Variants in FAM193A observed in about 807,000 individuals in gnomAD.
FAM193A encodes protein FAM193A.
FAM193A carries 22 observed loss-of-function variants against 126.5 expected under a neutral mutation model. The observed-to-expected ratio is 0.17, with a 90% CI of 0.12 to 0.25. FAM193A has a LOEUF of 0.25. FAM193A is among the 10% of genes least tolerant of loss of function. The probability of loss-of-function intolerance (pLI) is 1.00; values close to 1 mark genes in which losing one functional copy is unlikely to be tolerated. For synonymous variants in FAM193A, 761 were observed against 646.8 expected, an observed-to-expected ratio of 1.18 and a Z score of -2.68; for missense variants, 1,675 against 1,672.8, an observed-to-expected ratio of 1.00 and a Z score of -0.02.
At chr4:2,584,280 A>C (rs530519449) in intron 1 of FAM193A, among the ~76,000 whole-genome samples, 1 of 152,156 alleles carries the variant, frequency 6.6e-6, no homozygotes, top group Non-Finnish European at 1.5e-5. Context: ...TAAAAAAATT[A>C]GCGGTGCTTG....
intron 2 of FAM193A, among the ~76,000 whole-genome samples, chr4:2,602,959 C>CTTT (rs71178487): frequency 0.015 from 638 of 42,308 alleles, 205 homozygotes; most frequent in African/African-American, 0.071. Flanking sequence ...TGCACCCGGC[C>CTTT]TTTTTTTTTT....
At chr4:2,559,431 A>T (rs1444582983) in intron 1 of FAM193A, among the ~76,000 whole-genome samples, 3 of 152,132 alleles carry the variant, frequency 2.0e-5, no homozygotes, top group African/African-American at 7.2e-5. Context: ...TATTCTTTTT[A>T]AATTTTTATT....
chr4:2,599,185 C>A (rs1438912064), intron 2 of FAM193A, among the ~76,000 whole-genome samples: 1 of 152,212 alleles, frequency 6.6e-6, no homozygotes, highest in South Asian at 2.1e-4. Context: ...TTGACACTCT[C>A]AACCTTTCAG....
At chr4:2,659,076 C>T (rs1390369612) in intron 8 of FAM193A, among the ~76,000 whole-genome samples, 1 of 152,172 alleles carries the variant, frequency 6.6e-6, no homozygotes, top group Non-Finnish European at 1.5e-5. Context: ...GTGGCCCTTC[C>T]AGCTGCCACC....
At chr4:2,608,288 T>C in intron 2 of FAM193A, 1 of 616,314 alleles carries the variant, frequency 1.6e-6, no homozygotes. Context: ...AAGCAACCCT[T>C]CTGCCTCAGT....
rs1045751783 is a variant in FAM193A, at chr4:2,731,968, A to C, written c.*100A>C. The C allele has an allele frequency of 2.1e-6, 2 of 933,470 alleles. No individual in the cohort carries two copies. Among genetic ancestry groups the C allele is most frequent in the African/African-American group, 3.2e-5 (2 of 62,104 alleles). The allele number at this position is 933,470 out of a possible 1,614,324, so 57.8% of individuals were successfully genotyped here. ...GCGCCCCAGAGCCGTGGTGCTTGCC[A>C]AGGGCTGTGCGGAGCTGGTGCTGCC... is the stretch of plus-strand genomic sequence containing the variant. On this transcript the variant is annotated 3_prime_UTR_variant, in exon 21 of 21. Coordinates refer to ENST00000637812, the MANE Select transcript of FAM193A (RefSeq NM_001366318.2).
intron 2 of FAM193A, among the ~76,000 whole-genome samples, chr4:2,618,560 G>A (rs890117178): frequency 6.1e-5 from 9 of 147,024 alleles, no homozygotes; most frequent in Non-Finnish European, 1.0e-4. Flanking sequence ...CCTGAGTAGC[G>A]GGGATTATAG....
chr4:2,548,082 T>G (rs1051500052), intron 1 of FAM193A, among the ~76,000 whole-genome samples: 11 of 151,472 alleles, frequency 7.3e-5, no homozygotes, highest in Non-Finnish European at 1.3e-4. Flanking sequence ...TTTTTTTTTT[T>G]TTTTTTTGAG....
chr4:2,562,636 GTT>G (rs764512793), intron 1 of FAM193A, among the ~76,000 whole-genome samples: 2 of 142,338 alleles, frequency 1.4e-5, no homozygotes, highest in Non-Finnish European at 1.5e-5. Flanking sequence ...TCCTTTTTTT[GTT>G]TTTTTTTTTT....
intron 13 of FAM193A, among the ~76,000 whole-genome samples, chr4:2,678,770 T>C (rs1462552025): frequency 1.3e-5 from 2 of 152,234 alleles, no homozygotes; most frequent in Non-Finnish European, 2.9e-5. Context: ...TGAGTGTTGA[T>C]TTTGTATCTT....
chr4:2,598,984 C>T (rs562720401), intron 2 of FAM193A, among the ~76,000 whole-genome samples: 67 of 152,320 alleles, frequency 4.4e-4, no homozygotes, highest in African/African-American at 1.5e-3. Context: ...CTTGTATCTG[C>T]AGGGGTCTGA....
chr4:2,596,971 G>T (rs1740900337), intron 2 of FAM193A, among the ~76,000 whole-genome samples: 1 of 152,094 alleles, frequency 6.6e-6, no homozygotes. Flanking sequence ...TCTTCCTTCT[G>T]ATACCTTGCT....
At chr4:2,576,702 A>G (rs917050212) in intron 1 of FAM193A, among the ~76,000 whole-genome samples, 4 of 152,200 alleles carry the variant, frequency 2.6e-5, no homozygotes, top group African/African-American at 9.6e-5. Flanking sequence ...CAAAATCTAT[A>G]TATCTAAACA....
intron 15 of FAM193A, 25 bp downstream of exon 15, chr4:2,690,995 C>A: frequency 1.3e-6 from 2 of 1,591,626 alleles, no homozygotes; most frequent in Non-Finnish European, 1.7e-6. Flanking sequence ...CTCACTGGCC[C>A]TCGGGGTCTG....
chr4:2,641,490 C>T (rs1418527013), intron 6 of FAM193A, among the ~76,000 whole-genome samples: 2 of 151,870 alleles, frequency 1.3e-5, no homozygotes, highest in Non-Finnish European at 2.9e-5. Flanking sequence ...CTCGTCTCTA[C>T]TAAAAATACA....
intron 1 of FAM193A, among the ~76,000 whole-genome samples, chr4:2,592,811 A>G (rs990589897): frequency 6.6e-6 from 1 of 152,204 alleles, no homozygotes; most frequent in Admixed American, 6.5e-5. Context: ...CTGAGGGCGC[A>G]TAAGCACATG....
chr4:2,590,969 C>A (rs1328274446), intron 1 of FAM193A, among the ~76,000 whole-genome samples: 1 of 151,148 alleles, frequency 6.6e-6, no homozygotes, highest in South Asian at 2.1e-4. Flanking sequence ...GGAGGTTGCA[C>A]TGAGCCGAGA....
intron 20 of FAM193A, among the ~76,000 whole-genome samples, chr4:2,728,895 A>ATTTTTTTTTTTTTTTTTTTTTTTTT (rs1491485597): frequency 9.5e-6 from 1 of 105,710 alleles, no homozygotes. Flanking sequence ...CACCTCCAAA[A>ATTTTTTTTTTTTTTTTTTTTTTTTT]CTTTTTTTTT....
chr4:2,601,115 G>C (rs117032224), intron 2 of FAM193A, among the ~76,000 whole-genome samples: 1 of 151,780 alleles, frequency 6.6e-6, no homozygotes, highest in East Asian at 1.9e-4. Flanking sequence ...GTGAGACCCC[G>C]TCTCTTTTAA....
Sources: gnomAD v4.1 joint callset for allele counts (sites outside exome capture counted in the v4.1 genomes callset) on GRCh38, gnomAD v4.1.1 for gene constraint, MANE v1.5 for transcripts, NCBI Gene and HGNC (gene_info 2026-07-23, HGNC 2026-07-21) for gene names.